The following ABCA5 variants were observed in gnomAD, a reference collection of about 807,000 sequenced individuals.
ABCA5 encodes cholesterol transporter ABCA5.
Under a neutral mutation model 206.0 loss-of-function variants are expected in ABCA5, and 163 were observed. The ratio of observed to expected loss-of-function variants is 0.79; its 90% CI spans 0.70 to 0.90. ABCA5 has a LOEUF of 0.90. Among genes scored for constraint, ABCA5 ranks in the 40% least tolerant of loss-of-function variants. The pLI is 0.00. For missense variants in ABCA5, 1,859 were observed against 1,912.9 expected, an observed-to-expected ratio of 0.97 and a Z score of 0.53; for synonymous variants, 609 against 613.8, an observed-to-expected ratio of 0.99 and a Z score of 0.11.
Position 69,247,063 on chromosome 17 carries a change from T to C in ABCA5, c.*474A>G, listed in dbSNP as rs1298088693. 1 of 152,200 alleles carries C rather than the reference T, an allele frequency of 6.6e-6. No homozygotes were observed. The highest frequency in any genetic ancestry group is 6.6e-5 in the Admixed American group (1 of 15,264). 9.4% of individuals were successfully genotyped at this position (152,200 alleles called of 1,614,324 possible). A position where few individuals can be genotyped will look rare whatever the true frequency, so the allele number is the denominator to read the frequency against. ...CAGCTTTTACGGATGACAACTTCCA[T>C]TCAAAGTGGCTTTTTTAGAAATTAA... On this transcript the variant is annotated 3_prime_UTR_variant, in exon 39 of 39. Coordinates refer to ENST00000392676, the MANE Select transcript of ABCA5 (RefSeq NM_172232.4).
chr17:69,298,494 T>C (rs1336671021), intron 9 of ABCA5, among the ~76,000 whole-genome samples: 2 of 152,202 alleles, frequency 1.3e-5, no homozygotes, highest in Non-Finnish European at 2.9e-5. Flanking sequence ...AGGGATCTGA[T>C]GCCAAGTACA....
At chr17:69,262,724 A>G (rs1316864198) in intron 24 of ABCA5, among the ~76,000 whole-genome samples, 1 of 151,944 alleles carries the variant, frequency 6.6e-6, no homozygotes, top group East Asian at 1.9e-4. Context: ...AGAATGATTT[A>G]TTTTCTTTTG....
At chr17:69,263,543 T>C (rs1464054671) in intron 24 of ABCA5, among the ~76,000 whole-genome samples, 4 of 152,130 alleles carry the variant, frequency 2.6e-5, no homozygotes, top group Non-Finnish European at 5.9e-5. Flanking sequence ...GCTATAGATG[T>C]GTGGCTTTAT....
At chr17:69,250,154 T>C (rs1320345943) in intron 36 of ABCA5, among the ~76,000 whole-genome samples, 170 bp from the exon 37 acceptor site, 2 of 151,984 alleles carry the variant, frequency 1.3e-5, no homozygotes, top group Non-Finnish European at 2.9e-5. Flanking sequence ...ACAACTCTCA[T>C]TACTACTAAG....
chr17:69,299,691 G>A (rs868526739), intron 9 of ABCA5, among the ~76,000 whole-genome samples: 1 of 151,854 alleles, frequency 6.6e-6, no homozygotes, highest in Non-Finnish European at 1.5e-5. Flanking sequence ...GATTATGGGG[G>A]CTCAGGGAAA....
In ABCA5 at chr17:69,284,005, A is replaced by C. The variant is rs769070832; in HGVS notation, c.2340T>G (p.Thr780=). ...CTAGCTTTAAAAATACGTCTTCCAA[A>C]GTCGTCATGGAAACACCATAAGAAA... ...GVISYGVSMT[T]LEDVFLKLEV... is the part of the protein sequence containing the mutation. The change falls in exon 18 of 39, where the codon ACT becomes ACG. Residue 780 remains threonine (T), a synonymous_variant. Coordinates refer to ENST00000392676, the MANE Select transcript of ABCA5 (RefSeq NM_172232.4). 4.4e-6 allele frequency: 7 copies of C among 1,608,156 alleles called. No individual in the cohort carries two copies. Among genetic ancestry groups the C allele is most frequent in the Non-Finnish European group, 5.9e-6 (7 of 1,177,452 alleles).
At chr17:69,263,720 A>G (rs113425582) in intron 24 of ABCA5, among the ~76,000 whole-genome samples, 288 of 25,854 alleles carry the variant, frequency 0.011, 1 homozygote, top group African/African-American at 0.042. Flanking sequence ...TTTTTGATAA[A>G]AAGTCTCTCT....
At chr17:69,250,023 T>G (rs1182074493) in intron 36 of ABCA5, 39 bp from the exon 37 acceptor site, 2 of 1,278,114 alleles carry the variant, frequency 1.6e-6, no homozygotes, top group Admixed American at 5.2e-5. Flanking sequence ...AATTAAAAAT[T>G]ACTACTATTA....
At chr17:69,251,436 A>G (rs2075012120) in intron 35 of ABCA5, 1 of 243,976 alleles carries the variant, frequency 4.1e-6, no homozygotes, top group South Asian at 1.1e-4. Context: ...ATGTAAGTAG[A>G]AACTCATATG....
chr17:69,250,431 TG>T, intron 36 of ABCA5, 40 bp downstream of exon 36: 7 of 1,562,436 alleles, frequency 4.5e-6, no homozygotes, highest in Non-Finnish European at 5.2e-6. Context: ...TTATAACCTT[TG>T]CTCTATAAAG....
chr17:69,321,278 A>C (rs777039516), intron 1 of ABCA5, among the ~76,000 whole-genome samples: 1 of 152,206 alleles, frequency 6.6e-6, no homozygotes, highest in Non-Finnish European at 1.5e-5. Flanking sequence ...AGAAAGGTGG[A>C]GATCCACACA....
chr17:69,259,785 A>G lies in ABCA5; in HGVS notation c.3652T>C (p.Cys1218Arg). Residue 1218 changes from cysteine (C) to arginine (R), a missense_variant, in exon 28 of 39, where the codon TGT (cysteine) becomes CGT (arginine). Cys to Arg is a radical substitution (Grantham distance 180). Coordinates refer to ENST00000392676, the MANE Select transcript of ABCA5 (RefSeq NM_172232.4). ...TGTAAGAGGAAAATCCACAGTACAC[A>G]CTGCAGGTAAGGCTAAAAGAAGAAC... ...SVAVISPYLQ[C>R]VLWIFLLQYY... The G allele has an allele frequency of 6.3e-7, 1 of 1,597,524 alleles. No individual in the cohort carries two copies. Among genetic ancestry groups the G allele is most frequent in the Non-Finnish European group, 8.6e-7 (1 of 1,169,292 alleles).
rs201742068 is a variant in ABCA5, at chr17:69,309,428, A to G, written c.308-5T>C. ...TATATTCTTCAGTAATTATGACTGT[A>G]AGATATCATAACAATATAGTTAGCT... On this transcript the variant is annotated splice_polypyrimidine_tract_variant and splice_region_variant and intron_variant, in intron 3 of 38. Transcript: ENST00000392676. The G allele has an allele frequency of 6.3e-4, 956 of 1,527,704 alleles. No individual in the cohort carries two copies. The highest frequency in any genetic ancestry group is 7.8e-4 in the Non-Finnish European group (880 of 1,133,084). 94.6% of individuals were successfully genotyped at this position (1,527,704 alleles called of 1,614,324 possible).
At chr17:69,301,988 C>A (rs2075657314) in intron 8 of ABCA5, among the ~76,000 whole-genome samples, 1 of 152,120 alleles carries the variant, frequency 6.6e-6, no homozygotes, top group African/African-American at 2.4e-5. Flanking sequence ...ACTCAATGAA[C>A]TCTCAAAATG....
At chr17:69,270,337 T>A (rs1239451915) in intron 22 of ABCA5, among the ~76,000 whole-genome samples, 1 of 152,060 alleles carries the variant, frequency 6.6e-6, no homozygotes, top group East Asian at 1.9e-4. Context: ...AATATTCATT[T>A]AAAAATTATC....
At chr17:69,311,655 A>G (rs1315570774) in intron 3 of ABCA5, among the ~76,000 whole-genome samples, 1 of 151,824 alleles carries the variant, frequency 6.6e-6, no homozygotes, top group East Asian at 1.9e-4. Flanking sequence ...ATGGCTGGAT[A>G]ATTTTTTTGT....
intron 7 of ABCA5, among the ~76,000 whole-genome samples, chr17:69,303,735 G>A (rs1204583039): frequency 1.0e-4 from 10 of 99,754 alleles, no homozygotes; most frequent in African/African-American, 3.5e-4. Flanking sequence ...GACCAAACTT[G>A]GACACTTAGG....
chr17:69,267,375 C>T (rs2075222919), intron 23 of ABCA5, among the ~76,000 whole-genome samples: 1 of 152,054 alleles, frequency 6.6e-6, no homozygotes, highest in Non-Finnish European at 1.5e-5. Flanking sequence ...TACAAGATCG[C>T]TATATGCCTG....
intron 22 of ABCA5, 53 bp from the exon 23 acceptor site, chr17:69,268,109 AAGATATATCTTAGGAT>A (rs2075231058): frequency 1.2e-6 from 1 of 830,112 alleles, no homozygotes; most frequent in Non-Finnish European, 2.0e-6. Context: ...TTTATATCTT[AAGATATATCTTAGGAT>A]ATATCTTATA....
Sources: allele counts gnomAD v4.1 joint callset (sites outside exome capture counted in the v4.1 genomes callset), GRCh38; gene constraint gnomAD v4.1.1; transcripts MANE v1.5; gene names NCBI Gene and HGNC (gene_info 2026-07-23, HGNC 2026-07-21).